The following PCDHAC1 variants were observed in gnomAD, a reference collection of about 807,000 sequenced individuals.
The protein encoded by PCDHAC1 is protocadherin alpha subfamily C, 1.
In PCDHAC1, 42 loss-of-function variants were observed where a neutral mutation model predicts 60.0. That is an observed-to-expected ratio of 0.70 (90% CI 0.55 to 0.90). The LOEUF (loss-of-function observed/expected upper bound fraction) is 0.90, where lower values mean the gene tolerates loss of function less well. PCDHAC1 is among the 40% of genes least tolerant of loss of function. PCDHAC1 has a pLI of 0.00. For missense variants in PCDHAC1, 1,160 were observed against 1,222.3 expected (o/e 0.95, Z 0.76); for synonymous variants, 468 against 499.3 (o/e 0.94, Z 0.84).
chr5:141,003,469 A>G (rs536017033), intron 3 of PCDHAC1, among the ~76,000 whole-genome samples: 53 of 152,106 alleles, frequency 3.5e-4, no homozygotes, highest in Admixed American at 2.3e-3. Flanking sequence ...GCACCACCAC[A>G]GTCTCGCTAA....
Position 140,928,917 on chromosome 5 carries a change from G to A in PCDHAC1, c.2025G>A (p.Gly675=), listed in dbSNP as rs181013464. 2.5e-6 allele frequency: 4 copies of A among 1,614,134 alleles called. No individual in the cohort carries two copies. Among genetic ancestry groups the A allele is most frequent in the Admixed American group, 1.7e-5 (1 of 60,028 alleles). Reference sequence around the variant, plus strand: ...TTGAAGATGTCTGGGAACCAGGAGGGCAGCTTTCTGCCCAGAACTTGTATT... The same window carrying A: ...TTGAAGATGTCTGGGAACCAGGAGGACAGCTTTCTGCCCAGAACTTGTATT... ...PDFEDVWEPG[G]QLSAQNLYLV... Residue 675 remains glycine (G), a synonymous_variant, in exon 1 of 4, where the codon GGG becomes GGA. Transcript: ENST00000253807.
chr5:140,927,642 T>A lies in PCDHAC1; in HGVS notation c.750T>A (p.Thr250=). Residue 250 remains threonine (T), a synonymous_variant, in exon 1 of 4, where the codon ACT becomes ACA. Coordinates refer to ENST00000253807, the MANE Select transcript of PCDHAC1 (RefSeq NM_018898.5). ...TTCCAGAGACTGCACCCAATGGGAC[T>A]GTGTTATTCCGAGTTCAAGCCTTGG... is the stretch of plus-strand genomic sequence containing the variant. ...TKVPETAPNG[T]VLFRVQALDP... 1 of 1,614,156 alleles carries A rather than the reference T, an allele frequency of 6.2e-7. No individual in the cohort carries two copies. Among genetic ancestry groups the A allele is most frequent in the Non-Finnish European group, 8.5e-7 (1 of 1,180,002 alleles).
rs781873236 is a variant in PCDHAC1 at position 140,927,612 on chromosome 5, C to T, written c.720C>T (p.Thr240=). ...APVFERSVYR[T]KVPETAPNGT... is the part of the protein sequence containing the mutation. ...TATTTGAGCGCTCCGTATACCGCAC[C>T]AAGGTTCCAGAGACTGCACCCAATG... is the stretch of plus-strand genomic sequence containing the variant. Residue 240 remains threonine (T), a synonymous_variant, in exon 1 of 4, where the codon ACC becomes ACT. Coordinates refer to ENST00000253807, the MANE Select transcript of PCDHAC1 (RefSeq NM_018898.5). 7.4e-6 allele frequency: 12 copies of T among 1,614,172 alleles called. No homozygotes were observed. Among genetic ancestry groups the T allele is most frequent in the Non-Finnish European group, 8.5e-6 (10 of 1,180,018 alleles).
In PCDHAC1 at chr5:140,927,498, G is replaced by A. The variant is rs782816586; in HGVS notation, c.606G>A (p.Val202=). The A allele has an allele frequency of 3.1e-6, 5 of 1,614,138 alleles. No homozygotes were observed. The highest frequency in any genetic ancestry group is 1.6e-4 in the Middle Eastern group (1 of 6,062). ...AACAGCGCGCCACCCACCTGCTGGT[G>A]CTTACAGCTCGGGACGGCGGGCTAC... ...DREQRATHLL[V]LTARDGGLPA... The change falls in exon 1 of 4, where the codon GTG becomes GTA. Residue 202 remains valine (V), a synonymous_variant. Coordinates refer to ENST00000253807, the MANE Select transcript of PCDHAC1 (RefSeq NM_018898.5).
chr5:140,951,762 A>G (rs2094630710), intron 1 of PCDHAC1, among the ~76,000 whole-genome samples: 1 of 152,090 alleles, frequency 6.6e-6, no homozygotes, highest in Non-Finnish European at 1.5e-5. Flanking sequence ...GCGAAATCTC[A>G]TGACGTTCTT....
chr5:140,946,298 G>A (rs1670826449), intron 1 of PCDHAC1, among the ~76,000 whole-genome samples: 1 of 151,840 alleles, frequency 6.6e-6, no homozygotes, highest in Admixed American at 6.6e-5. Flanking sequence ...CCTCACACCT[G>A]GTAGAATGGC....
In PCDHAC1 at chr5:141,011,694, G is replaced by A. The variant is rs1473857552; in HGVS notation, c.*1757G>A. 1.3e-5 allele frequency: 2 copies of A among 153,662 alleles called. No individual in the cohort carries two copies. Among genetic ancestry groups the A allele is most frequent in the African/African-American group, 4.8e-5 (2 of 41,412 alleles). The allele number at this position is 153,662 out of a possible 1,614,324, so 9.5% of individuals were successfully genotyped here. On this transcript the variant is annotated 3_prime_UTR_variant, in exon 4 of 4. Coordinates refer to ENST00000253807, the MANE Select transcript of PCDHAC1 (RefSeq NM_018898.5). The stretch of plus-strand genomic sequence containing the variant: ...CTGTTTTGTTCTAGTAACAATTTTG[G>A]AATGAATACTGACAATATTCCATGA...
At chr5:140,963,530 A>T (rs1031416091) in intron 1 of PCDHAC1, among the ~76,000 whole-genome samples, 29 of 152,216 alleles carry the variant, frequency 1.9e-4, no homozygotes, top group African/African-American at 6.8e-4. Context: ...CAGAAGTCCC[A>T]TTTACTTCAT....
chr5:140,951,583 C>T (rs939168963), intron 1 of PCDHAC1, among the ~76,000 whole-genome samples: 3 of 152,034 alleles, frequency 2.0e-5, no homozygotes, highest in Non-Finnish European at 4.4e-5. Flanking sequence ...CCAGATTTCA[C>T]GAGATCTCTC....
intron 1 of PCDHAC1, among the ~76,000 whole-genome samples, chr5:140,939,697 A>G (rs1327140175): frequency 6.6e-6 from 1 of 152,232 alleles, no homozygotes; most frequent in African/African-American, 2.4e-5. Context: ...GCTGGACATT[A>G]TCATTTGTGA....
At chr5:140,965,061 G>A (rs76085486) in intron 1 of PCDHAC1, among the ~76,000 whole-genome samples, 2,501 of 152,286 alleles carry the variant, frequency 0.016, 68 homozygotes, top group African/African-American at 0.056. Context: ...CATGCCAAAT[G>A]TCAGGTCTCA....
At chr5:140,974,009 A>C (rs1554235749) in intron 1 of PCDHAC1, among the ~76,000 whole-genome samples, 2 of 152,236 alleles carry the variant, frequency 1.3e-5, no homozygotes, top group African/African-American at 4.8e-5. Flanking sequence ...TGTTTTGTGC[A>C]TGTGATAATA....
chr5:140,948,495 G>T (rs2094260954), intron 1 of PCDHAC1, among the ~76,000 whole-genome samples: 1 of 151,424 alleles, frequency 6.6e-6, no homozygotes, highest in African/African-American at 2.4e-5. Context: ...TTCTTTCATA[G>T]ACTTTCTATT....
intron 3 of PCDHAC1, among the ~76,000 whole-genome samples, chr5:140,985,666 A>G (rs547448150): frequency 1.3e-5 from 2 of 151,942 alleles, no homozygotes; most frequent in South Asian, 4.2e-4. Flanking sequence ...GAATAAAGGA[A>G]GTGGGGCCTG....
At chr5:140,958,746 G>A (rs946339571) in intron 1 of PCDHAC1, among the ~76,000 whole-genome samples, 3 of 152,184 alleles carry the variant, frequency 2.0e-5, no homozygotes, top group African/African-American at 7.2e-5. Context: ...AGAGAGAAAG[G>A]AGATTTTTAC....
chr5:140,997,668 T>TTGTGTGTGTGTG (rs35184029), intron 3 of PCDHAC1, among the ~76,000 whole-genome samples: 18 of 148,344 alleles, frequency 1.2e-4, no homozygotes, highest in Middle Eastern at 3.4e-3. Flanking sequence ...ATTATACAGC[T>TTGTGTGTGTGTG]TGTGTGTGTG....
chr5:140,968,465 G>A lies in PCDHAC1; in HGVS notation c.2434-10484G>A, dbSNP rs782606184. On this transcript the variant is annotated intron_variant, in intron 1 of 3. Coordinates refer to ENST00000253807, the MANE Select transcript of PCDHAC1 (RefSeq NM_018898.5). ...ACTGAGCAGCACTGTGACTGCCAACGTATATGTGGTGGACATGAATGACCA... is the reference window on the plus strand; with the variant it reads ...ACTGAGCAGCACTGTGACTGCCAACATATATGTGGTGGACATGAATGACCA... 78 of 1,614,004 alleles carry A rather than the reference G, an allele frequency of 4.8e-5. No individual in the cohort carries two copies. Among genetic ancestry groups the A allele is most frequent in the Non-Finnish European group, 6.1e-5 (72 of 1,180,028 alleles).
intron 1 of PCDHAC1, chr5:140,969,060 A>T (rs2096292130): frequency 6.2e-7 from 1 of 1,614,012 alleles, no homozygotes. Context: ...AACAATATTG[A>T]TGCCAGGATA....
chr5:140,931,544 A>G (rs1276156656), intron 1 of PCDHAC1, among the ~76,000 whole-genome samples: 1 of 152,048 alleles, frequency 6.6e-6, no homozygotes, highest in Non-Finnish European at 1.5e-5. Context: ...TATACTGTTC[A>G]TATGTGCAGG....
Sources: gnomAD v4.1 joint callset for allele counts (sites outside exome capture counted in the v4.1 genomes callset) on GRCh38, gnomAD v4.1.1 for gene constraint, MANE v1.5 for transcripts, NCBI Gene and HGNC (gene_info 2026-07-23, HGNC 2026-07-21) for gene names.